The following XKR9 variants were observed in gnomAD, a reference collection of about 807,000 sequenced individuals.
XKR9 encodes XK related 9, also known as XK-related protein 9.
In XKR9, 32 loss-of-function variants were observed where a neutral mutation model predicts 32.0. The observed-to-expected ratio is 1.00, with a 90% CI of 0.76 to 1.34. The LOEUF (loss-of-function observed/expected upper bound fraction) is 1.34, where lower values mean the gene tolerates loss of function less well. Ranked by LOEUF, XKR9 falls within the 40% of genes most tolerant of loss-of-function variation. The pLI, the probability that XKR9 is intolerant of heterozygous loss-of-function variation, is 0.00. For missense variants in XKR9, 546 were observed against 429.7 expected, an observed-to-expected ratio of 1.27 and a Z score of -2.39; for synonymous variants, 168 against 143.4, an observed-to-expected ratio of 1.17 and a Z score of -1.22.
the XKR9 span, among the ~76,000 whole-genome samples, chr8:70,872,422 T>A: frequency 6.6e-6 from 1 of 152,166 alleles, no homozygotes; most frequent in Non-Finnish European, 1.5e-5. Context: ...TTCCATTACA[T>A]CAAAGTGCAA....
chr8:70,889,257 TG>T, the XKR9 span, among the ~76,000 whole-genome samples: 95 of 152,022 alleles, frequency 6.2e-4, no homozygotes, highest in African/African-American at 2.1e-3. Flanking sequence ...TCCTCTAGTT[TG>T]TTGTTGGCAT....
chr8:70,760,649 G>A (rs1807295902), intron 2 of XKR9, among the ~76,000 whole-genome samples: 2 of 152,122 alleles, frequency 1.3e-5, no homozygotes, highest in African/African-American at 2.4e-5. Flanking sequence ...ATTTTTATGT[G>A]TATAATTCAA....
At chr8:70,804,620 C>CAT in the XKR9 span, among the ~76,000 whole-genome samples, 1 of 152,218 alleles carries the variant, frequency 6.6e-6, no homozygotes, top group East Asian at 1.9e-4. Flanking sequence ...TCATGGATAA[C>CAT]ACAGGGCGAA....
At chr8:70,962,317 T>G in the XKR9 span, among the ~76,000 whole-genome samples, 1 of 152,214 alleles carries the variant, frequency 6.6e-6, no homozygotes, top group African/African-American at 2.4e-5. Context: ...AAATTGATCC[T>G]GTCACCCAGT....
At chr8:70,912,812 C>T in the XKR9 span, among the ~76,000 whole-genome samples, 3 of 152,078 alleles carry the variant, frequency 2.0e-5, no homozygotes, top group Admixed American at 6.6e-5. Context: ...TAGGTAGTGT[C>T]ACAGAAGCCA....
the XKR9 span, among the ~76,000 whole-genome samples, chr8:70,938,631 T>C: frequency 2.0e-5 from 3 of 152,066 alleles, no homozygotes; most frequent in Non-Finnish European, 4.4e-5. Flanking sequence ...TGTTGAAAGA[T>C]ACAAAAGCCT....
At chr8:71,021,122 T>C in the XKR9 span, among the ~76,000 whole-genome samples, 2 of 152,132 alleles carry the variant, frequency 1.3e-5, no homozygotes, top group Non-Finnish European at 2.9e-5. Flanking sequence ...AGTGACAGGT[T>C]CTTTTTAACA....
the XKR9 span, among the ~76,000 whole-genome samples, chr8:70,806,038 G>A: frequency 4.6e-5 from 7 of 152,148 alleles, no homozygotes; most frequent in Non-Finnish European, 1.0e-4. Context: ...TGAGGTCAGA[G>A]ATCCCAGAAA....
the XKR9 span, among the ~76,000 whole-genome samples, chr8:70,835,584 T>G: frequency 6.6e-6 from 1 of 152,102 alleles, no homozygotes; most frequent in East Asian, 1.9e-4. Context: ...AATCCTTTTT[T>G]TGGAGTAAGG....
the XKR9 span, among the ~76,000 whole-genome samples, chr8:71,032,960 TG>T: frequency 3.9e-5 from 6 of 151,920 alleles, no homozygotes; most frequent in African/African-American, 1.2e-4. Context: ...GGTGGGCACC[TG>T]TAATCCCAGC....
At chr8:71,022,616 T>C in the XKR9 span, among the ~76,000 whole-genome samples, 1 of 152,220 alleles carries the variant, frequency 6.6e-6, no homozygotes, top group Admixed American at 6.5e-5. Flanking sequence ...TTGGGTTGTA[T>C]CTATGCAGGG....
At chr8:71,009,415 G>T in the XKR9 span, among the ~76,000 whole-genome samples, 1 of 152,164 alleles carries the variant, frequency 6.6e-6, no homozygotes, top group Admixed American at 6.5e-5. Context: ...TTCCAGTGTG[G>T]TCCAGGGAAG....
At chr8:70,869,704 A>G in the XKR9 span, among the ~76,000 whole-genome samples, 5 of 152,208 alleles carry the variant, frequency 3.3e-5, no homozygotes, top group Admixed American at 1.3e-4. Flanking sequence ...TTGAGAATAA[A>G]TGTCTTAGAA....
At chr8:71,029,781 GA>G in the XKR9 span, among the ~76,000 whole-genome samples, 63 of 144,158 alleles carry the variant, frequency 4.4e-4, no homozygotes, top group Middle Eastern at 3.5e-3. Context: ...GCTTTTAGAT[GA>G]AAAAAAAAAA....
the XKR9 span, among the ~76,000 whole-genome samples, chr8:71,041,654 C>G: frequency 4.7e-3 from 710 of 152,216 alleles, 10 homozygotes; most frequent in African/African-American, 0.016. Flanking sequence ...GAGTGGTTTC[C>G]TTCATGCTGT....
chr8:70,901,672 C>G, the XKR9 span, among the ~76,000 whole-genome samples: 30 of 152,140 alleles, frequency 2.0e-4, no homozygotes, highest in Non-Finnish European at 2.1e-4. Flanking sequence ...TAATTAGATC[C>G]AATTTGTCAA....
At chr8:70,910,588 G>A in the XKR9 span, among the ~76,000 whole-genome samples, 1 of 152,190 alleles carries the variant, frequency 6.6e-6, no homozygotes, top group African/African-American at 2.4e-5. Context: ...AAGACTCTCT[G>A]CAACCTGGGA....
the XKR9 span, among the ~76,000 whole-genome samples, chr8:71,051,791 A>T: frequency 3.9e-5 from 6 of 152,334 alleles, no homozygotes; most frequent in Admixed American, 6.5e-5. Flanking sequence ...GATTAGAAAG[A>T]CCATTTATTG....
At chr8:70,815,983 A>G in the XKR9 span, among the ~76,000 whole-genome samples, 1 of 152,078 alleles carries the variant, frequency 6.6e-6, no homozygotes. Flanking sequence ...TAATAGAACA[A>G]TTTATATTTC....
Sources: allele counts gnomAD v4.1 joint callset (sites outside exome capture counted in the v4.1 genomes callset), GRCh38; gene constraint gnomAD v4.1.1; transcripts MANE v1.5; gene names NCBI Gene and HGNC (gene_info 2026-07-23, HGNC 2026-07-21).